Variants in L1CAM observed in about 807,000 individuals in gnomAD.
The protein encoded by L1CAM is L1 cell adhesion molecule.
Under a neutral mutation model 93.0 loss-of-function variants are expected in L1CAM, and 8 were observed. The observed-to-expected ratio is 0.09, with a 90% confidence interval of 0.05 to 0.16. The LOEUF (loss-of-function observed/expected upper bound fraction) is 0.16, where lower values mean the gene tolerates loss of function less well. Ranked by LOEUF, L1CAM falls within the 10% of genes least tolerant of loss-of-function variation. The pLI is 1.00. For missense variants in L1CAM, 777 were observed against 1,073.4 expected (o/e 0.72, Z 3.86); for synonymous variants, 453 against 453.0 (o/e 1.00, Z 0.00).
At chrX:153,870,687 G>T in intron 7 of L1CAM, 103 bp downstream of exon 7, 1 of 941,129 alleles carries the variant, frequency 1.1e-6, no homozygotes, top group Non-Finnish European at 1.5e-6. Context: ...GAGCCAAGCT[G>T]TTCTTGAGGA....
intron 5 of L1CAM, among the ~76,000 whole-genome samples, chrX:153,871,542 T>C (rs1207014948): frequency 1.8e-5 from 2 of 108,701 alleles, no homozygotes; most frequent in East Asian, 5.8e-4. Flanking sequence ...TCACAGACCC[T>C]TCCATCATCC....
rs781998722 is a variant in L1CAM at position 153,867,570 on chromosome X, C to T, written c.1940-17G>A. 13 of 1,191,384 alleles carry T rather than the reference C, an allele frequency of 1.1e-5. No individual in the cohort carries two copies. The highest frequency in any genetic ancestry group is 1.1e-4 in the South Asian group (6 of 56,388). ...TGTCATATTCTGCCAAGAAATGAACCGACAATGGAGTGATCAGCATGTGGC... is the reference window on the plus strand; with the variant it reads ...TGTCATATTCTGCCAAGAAATGAACTGACAATGGAGTGATCAGCATGTGGC... On this transcript the variant is annotated splice_polypyrimidine_tract_variant and intron_variant, in intron 16 of 28. Transcript: ENST00000370060.
Position 153,864,974 on chromosome X carries a change from G to T in L1CAM, c.2893C>A (p.Gln965Lys). Reference sequence around the variant, plus strand: ...GGGTCCCGAAGGTTGAAGGACAGTTGCCCCTTGCCCCCCTCATCCACTGTG... The same window carrying T: ...GGGTCCCGAAGGTTGAAGGACAGTTTCCCCTTGCCCCCCTCATCCACTGTG... Reference protein sequence around the residue: ...YHPLDEGGKGQLSFNLRDPEL... With the variant: ...YHPLDEGGKGKLSFNLRDPEL... Residue 965 changes from glutamine to lysine, a missense_variant, in exon 23 of 29, where the codon CAA becomes AAA. Coordinates refer to ENST00000370060, the MANE Select transcript of L1CAM (RefSeq NM_001278116.2). 8.2e-7 allele frequency: 1 copy of T among 1,212,371 alleles called. No homozygotes were observed. Among genetic ancestry groups the T allele is most frequent in the Non-Finnish European group, 1.1e-6 (1 of 895,586 alleles).
Position 153,867,552 on chromosome X carries a change from T to C in L1CAM, c.1941A>G (p.Lys647=). ...PAEDHNAPIE[K]YDIEFEDKEM... is the part of the protein sequence containing the mutation. ...CCTTGTCCTCAAATTCAATGTCATA[T>C]TCTGCCAAGAAATGAACCGACAATG... The change falls in exon 17 of 29, where the codon AAA becomes AAG. Residue 647 remains lysine (K), a splice_region_variant and synonymous_variant. Transcript: ENST00000370060. The C allele has an allele frequency of 8.3e-7, 1 of 1,207,714 alleles. No individual in the cohort carries two copies. Among genetic ancestry groups the C allele is most frequent in the South Asian group, 1.8e-5 (1 of 56,901 alleles).
At position 153,875,644 on chromosome X, in the gene L1CAM, G is replaced by A. The variant is rs932240866; in HGVS notation, c.76+117C>T. 13 of 677,393 alleles carry A rather than the reference G, an allele frequency of 1.9e-5. No homozygotes were observed. The African/African-American group carries it at 2.1e-4, about 11-fold the overall frequency. 55.8% of individuals were successfully genotyped at this position (677,393 alleles called of 1,213,427 possible). ...TATCTCCTGCCCACCCTGTGCCCAG[G>A]AAAGGCCAGGGAGAGGAGTCAGGGT... On this transcript the variant is annotated intron_variant, in intron 2 of 28. Coordinates refer to ENST00000370060, the MANE Select transcript of L1CAM (RefSeq NM_001278116.2).
At chrX:153,877,151 T>G in intron 1 of L1CAM, among the ~76,000 whole-genome samples, 1 of 105,426 alleles carries the variant, frequency 9.5e-6, no homozygotes, top group Non-Finnish European at 2.0e-5. Flanking sequence ...CTAGTAAAAA[T>G]ACAAAATTAG....
chrX:153,880,210 G>A (rs2064837252), intron 1 of L1CAM: 1 of 120,253 alleles, frequency 8.3e-6, no homozygotes, highest in Non-Finnish European at 1.7e-5. Flanking sequence ...TGTGGAGCCT[G>A]GCTAGACCTG....
chrX:153,875,795 G>A lies in L1CAM; in HGVS notation c.42C>T (p.Cys14=), dbSNP rs782185753. 8.3e-7 allele frequency: 1 copy of A among 1,208,933 alleles called. No individual in the cohort carries two copies. The highest frequency in any genetic ancestry group is 1.8e-5 in the South Asian group (1 of 56,793). Reference sequence around the variant, plus strand: ...GGATCTGGATAAGCAGGCAGGGGCTGCAGAGGAGGAGAGGCCACACGTACC... The same window carrying A: ...GGATCTGGATAAGCAGGCAGGGGCTACAGAGGAGGAGAGGCCACACGTACC... The part of the protein sequence containing the change: ...ALRYVWPLLL[C]SPCLLIQIPE... The change falls in exon 2 of 29, where the codon TGC becomes TGT. Residue 14 remains cysteine (C), a synonymous_variant. Coordinates refer to ENST00000370060, the MANE Select transcript of L1CAM (RefSeq NM_001278116.2).
Position 153,869,602 on chromosome X carries a change from C to A in L1CAM, c.1185G>T (p.Gln395His), listed in dbSNP as rs1557092288. Residue 395 changes from glutamine (Q) to histidine (H), a missense_variant, in exon 11 of 29, where the codon CAG becomes CAT. By Grantham distance (24) the Gln-to-His change is conservative. Coordinates refer to ENST00000370060, the MANE Select transcript of L1CAM (RefSeq NM_001278116.2). ...ATTGGGTCACCATTGTGTCACTGGG[C>A]TGCACGTTGCTCAGGATCAGGGCGC... The part of the protein sequence containing the change: ...QRGALILSNV[Q>H]PSDTMVTQCE... 1 of 1,210,031 alleles carries A rather than the reference C, an allele frequency of 8.3e-7. No homozygotes were observed. Among genetic ancestry groups the A allele is most frequent in the Non-Finnish European group, 1.1e-6 (1 of 894,697 alleles).
At position 153,868,030 on chromosome X, in the gene L1CAM, A is replaced by G. The variant is rs782196802; in HGVS notation, c.1796T>C (p.Val599Ala). 3.3e-6 allele frequency: 4 copies of G among 1,210,336 alleles called. No individual in the cohort carries two copies. The East Asian group carries it at 1.2e-4, about 36-fold the overall frequency. Residue 599 changes from valine (V) to alanine (A), a missense_variant, in exon 15 of 29, where the codon GTG (valine) becomes GCG (alanine). By Grantham distance (64) the Val-to-Ala change is moderately conservative (BLOSUM62 0). Coordinates refer to ENST00000370060, the MANE Select transcript of L1CAM (RefSeq NM_001278116.2). ...CAAGAGCTGTGCCCTACTCTCCACC[A>G]CATCCAGTTCGGTACTGGCCACGCA... is the stretch of plus-strand genomic sequence containing the variant. ...YSCVASTELD[V>A]VESRAQLLVV...
Position 153,875,963 on chromosome X carries a change from G to C in L1CAM, c.-108-19C>G, listed in dbSNP as rs2064811359. 1.9e-6 allele frequency: 1 copy of C among 529,602 alleles called. No individual in the cohort carries two copies. Among genetic ancestry groups the C allele is most frequent in the Non-Finnish European group, 3.3e-6 (1 of 305,928 alleles). 43.6% of individuals were successfully genotyped at this position (529,602 alleles called of 1,213,427 possible). A position where few individuals can be genotyped will look rare whatever the true frequency, so the allele number is the denominator to read the frequency against. On this transcript the variant is annotated intron_variant, in intron 1 of 28. Transcript: ENST00000370060. ...GGGGGCACTGGGAGAGGGGAGAAGG[G>C]AAGGGAAGGGTGGGGGAAGAGAGAC...
intron 1 of L1CAM, among the ~76,000 whole-genome samples, chrX:153,879,847 A>G (rs933089612): frequency 1.2e-4 from 14 of 112,017 alleles, no homozygotes; most frequent in South Asian, 7.4e-4. Context: ...GCTGGCTGGG[A>G]GTAAGTGGTC....
chrX:153,872,183 G>T lies in L1CAM; in HGVS notation c.369C>A (p.Ala123=). 1 of 1,209,944 alleles carries T rather than the reference G, an allele frequency of 8.3e-7. No individual in the cohort carries two copies. Among genetic ancestry groups the T allele is most frequent in the Non-Finnish European group, 1.1e-6 (1 of 894,550 alleles). ...CCATGAGCCGGATCTCATGGGACAT[G>T]GCGGTGCCCAGCTTATTGCTGGCAA... ...RCFASNKLGT[A]MSHEIRLMAE... is the part of the protein sequence containing the mutation. The change falls in exon 5 of 29, where the codon GCC becomes GCA. Residue 123 remains alanine (A), a synonymous_variant. Coordinates refer to ENST00000370060, the MANE Select transcript of L1CAM (RefSeq NM_001278116.2).
Position 153,864,849 on chromosome X carries a change from T to A in L1CAM, c.3018A>T (p.Val1006=). 1 of 1,212,194 alleles carries A rather than the reference T, an allele frequency of 8.2e-7. No homozygotes were observed. Among genetic ancestry groups the A allele is most frequent in the Non-Finnish European group, 1.1e-6 (1 of 895,538 alleles). Residue 1006 remains valine, a synonymous_variant, in exon 23 of 29, where the codon GTA becomes GTT. Coordinates refer to ENST00000370060, the MANE Select transcript of L1CAM (RefSeq NM_001278116.2). ...TTKEGPGEAI[V]REGGTMALSG... ...ACAAGGCCATAGTGCCTCCTTCCCG[T>A]ACGATGGCTTCACCAGGGCCCTCTT...
At chrX:153,871,876 C>G (rs1311870312) in intron 5 of L1CAM, among the ~76,000 whole-genome samples, 1 of 105,368 alleles carries the variant, frequency 9.5e-6, no homozygotes, top group Non-Finnish European at 2.0e-5. Flanking sequence ...CCCCTCCCCC[C>G]GCCACCTTCC....
chrX:153,882,783 G>C (rs5945364), intron 1 of L1CAM, among the ~76,000 whole-genome samples: 24,271 of 111,012 alleles, frequency 0.22, 2,410 homozygotes, highest in East Asian at 0.67. Flanking sequence ...GTAAGGGCCA[G>C]AGATGAGCAG....
intron 12 of L1CAM, 32 bp from the exon 13 acceptor site, chrX:153,868,759 T>G (rs1191768359): frequency 1.2e-5 from 15 of 1,207,965 alleles, no homozygotes; most frequent in Non-Finnish European, 1.7e-5. Flanking sequence ...TGGCTCTGAC[T>G]GGCTGGCCTG....
At chrX:153,878,227 G>A (rs782785689) in intron 1 of L1CAM, among the ~76,000 whole-genome samples, 14 of 112,890 alleles carry the variant, frequency 1.2e-4, no homozygotes, top group African/African-American at 1.9e-4. Flanking sequence ...CAGGAACACC[G>A]AAAGGATGGT....
chrX:153,872,503 T>C (rs1255591449), intron 4 of L1CAM, 89 bp downstream of exon 4: 2 of 957,767 alleles, frequency 2.1e-6, no homozygotes, highest in African/African-American at 3.9e-5. Context: ...GGTTTGGGGC[T>C]TCTGGGCTTA....
Sources: allele counts gnomAD v4.1 joint callset (sites outside exome capture counted in the v4.1 genomes callset), GRCh38; gene constraint gnomAD v4.1.1; transcripts MANE v1.5; gene names NCBI Gene and HGNC (gene_info 2026-07-23, HGNC 2026-07-21).